STAU1: variants seen among roughly 807,000 people sequenced by gnomAD.
STAU1 encodes the protein staufen double-stranded RNA binding protein 1, also known as double-stranded RNA-binding protein Staufen homolog 1.
STAU1 carries 13 observed loss-of-function variants against 62.9 expected under a neutral mutation model. The ratio of observed to expected loss-of-function variants is 0.21; its 90% CI spans 0.13 to 0.33. The LOEUF (loss-of-function observed/expected upper bound fraction) is 0.33. Among genes scored for constraint, STAU1 ranks in the 10% least tolerant of loss-of-function variants. STAU1 has a pLI of 1.00. For missense variants in STAU1, 571 were observed against 712.1 expected, an observed-to-expected ratio of 0.80 and a Z score of 2.25; for synonymous variants, 269 against 265.1, an observed-to-expected ratio of 1.01 and a Z score of -0.14.
chr20:49,179,603 T>C (rs1300251684), intron 1 of STAU1, among the ~76,000 whole-genome samples: 1 of 152,246 alleles, frequency 6.6e-6, no homozygotes, highest in Non-Finnish European at 1.5e-5. Flanking sequence ...AGGAAAGGAC[T>C]GCCTAGCATT....
rs1048605172 is a variant in STAU1 at position 49,188,140 on chromosome 20, C to T, written c.-184G>A. On this transcript the variant is annotated 5_prime_UTR_variant, in exon 1 of 14. Coordinates refer to ENST00000371856, the MANE Select transcript of STAU1 (RefSeq NM_017453.4). ...CCTGGCTGCTGCTCCGAGCTCGTCCCCCGGCCGGCGGTCCTGGGCGGTGGC... is the reference window on the plus strand; with the variant it reads ...CCTGGCTGCTGCTCCGAGCTCGTCCTCCGGCCGGCGGTCCTGGGCGGTGGC... 2 of 151,556 alleles carry T rather than the reference C, an allele frequency of 1.3e-5. No individual in the cohort carries two copies. The highest frequency in any genetic ancestry group is 4.8e-5 in the African/African-American group (2 of 41,324). The allele number at this position is 151,556 out of a possible 1,614,324, so 9.4% of individuals were successfully genotyped here. A position where few individuals can be genotyped will look rare whatever the true frequency, so the allele number is the denominator to read the frequency against.
chr20:49,116,060 G>A (rs2092316193), intron 12 of STAU1, among the ~76,000 whole-genome samples, 193 bp from the exon 13 acceptor site: 1 of 152,144 alleles, frequency 6.6e-6, no homozygotes, highest in African/African-American at 2.4e-5. Flanking sequence ...TTACCTCACT[G>A]AATCATAACC....
chr20:49,216,736 G>A, the STAU1 span, among the ~76,000 whole-genome samples: 1 of 151,996 alleles, frequency 6.6e-6, no homozygotes, highest in Non-Finnish European at 1.5e-5. Flanking sequence ...GAATGACATG[G>A]GACGTGGCAG....
intron 2 of STAU1, 100 bp from the exon 3 acceptor site, chr20:49,166,385 A>T: frequency 1.7e-6 from 1 of 593,518 alleles, no homozygotes; most frequent in Non-Finnish European, 3.0e-6. Flanking sequence ...GACTTATGAA[A>T]ATAGCTCCAT....
chr20:49,201,250 A>T, the STAU1 span, among the ~76,000 whole-genome samples: 1 of 152,086 alleles, frequency 6.6e-6, no homozygotes, highest in Admixed American at 6.6e-5. Flanking sequence ...ACAAATATTT[A>T]AGAATAAACA....
chr20:49,124,533 C>G lies in STAU1; in HGVS notation c.664G>C (p.Val222Leu), dbSNP rs1294629337. 1 of 1,613,998 alleles carries G rather than the reference C, an allele frequency of 6.2e-7. No homozygotes were observed. The highest frequency in any genetic ancestry group is 8.5e-7 in the Non-Finnish European group (1 of 1,180,032). ...TCACCTTCCCCCACAAACTCCCCAA[C>G]CGAAACCTTGGTCACAAAGTTCTTC... ...HMKNFVTKVSVGEFVGEGEGK... is the reference protein window; with the variant it reads ...HMKNFVTKVSLGEFVGEGEGK... The change falls in exon 7 of 14, where the codon GTT (valine) becomes CTT (leucine). Residue 222 changes from valine (V) to leucine (L), a missense_variant. Physicochemically the swap from Val to Leu is conservative, Grantham distance 32 (BLOSUM62 1). Around this residue, in one of 3 missense-constraint regions of STAU1, gnomAD observed 414 missense variants for 499.6 expected, o/e 0.83. Coordinates refer to ENST00000371856, the MANE Select transcript of STAU1 (RefSeq NM_017453.4).
At chr20:49,135,734 T>C (rs2092866036) in intron 6 of STAU1, 99 bp downstream of exon 6, 4 of 861,484 alleles carry the variant, frequency 4.6e-6, no homozygotes, top group South Asian at 3.4e-5. Flanking sequence ...TCACATTATG[T>C]GAAGATTATT....
At chr20:49,146,313 C>G (rs1177186262) in intron 5 of STAU1, among the ~76,000 whole-genome samples, 2 of 151,968 alleles carry the variant, frequency 1.3e-5, no homozygotes, top group Non-Finnish European at 1.5e-5. Context: ...TAACTTTACT[C>G]CTAATTAAGT....
the STAU1 span, among the ~76,000 whole-genome samples, chr20:49,206,516 G>A: frequency 0.05 from 5,710 of 113,820 alleles, 439 homozygotes; most frequent in African/African-American, 0.18. Context: ...GCCATCTTCC[G>A]TTTTTTTTTT....
the STAU1 span, among the ~76,000 whole-genome samples, chr20:49,210,753 C>T: frequency 6.6e-6 from 1 of 152,152 alleles, no homozygotes; most frequent in Admixed American, 6.6e-5. Context: ...TATCATCCCC[C>T]ATACTGCAAC....
At chr20:49,115,654 C>G in intron 13 of STAU1, 128 bp downstream of exon 13, 1 of 824,942 alleles carries the variant, frequency 1.2e-6, no homozygotes, top group Non-Finnish European at 2.0e-6. Context: ...GGAAAACTTT[C>G]AGGCAAAAGG....
At chr20:49,140,453 T>C (rs948690293) in intron 5 of STAU1, among the ~76,000 whole-genome samples, 4 of 152,102 alleles carry the variant, frequency 2.6e-5, no homozygotes, top group Admixed American at 2.0e-4. Flanking sequence ...TTACTATTCA[T>C]ACCATAAAAC....
the STAU1 span, among the ~76,000 whole-genome samples, chr20:49,204,148 C>T: frequency 1.3e-5 from 2 of 150,756 alleles, no homozygotes; most frequent in African/African-American, 4.9e-5. Flanking sequence ...TAGAGTCTCA[C>T]TCTGTCACTC....
At chr20:49,177,400 C>T (rs889125087) in intron 1 of STAU1, among the ~76,000 whole-genome samples, 2 of 152,048 alleles carry the variant, frequency 1.3e-5, no homozygotes, top group African/African-American at 2.4e-5. Flanking sequence ...ATTTAAGGGC[C>T]GGGCATGTGG....
chr20:49,169,978 A>G (rs1335097265), intron 2 of STAU1, among the ~76,000 whole-genome samples: 1 of 152,228 alleles, frequency 6.6e-6, no homozygotes, highest in African/African-American at 2.4e-5. Flanking sequence ...TTCTCATAAA[A>G]ACAGAATCTT....
chr20:49,123,642 C>A (rs146263953), intron 7 of STAU1, among the ~76,000 whole-genome samples: 3 of 152,270 alleles, frequency 2.0e-5, no homozygotes, highest in Non-Finnish European at 4.4e-5. Flanking sequence ...TAAAAAAGCT[C>A]AAGCTGATGC....
At chr20:49,136,386 C>A (rs996600735) in intron 5 of STAU1, among the ~76,000 whole-genome samples, 13 of 152,206 alleles carry the variant, frequency 8.5e-5, no homozygotes, top group Admixed American at 8.5e-4. Flanking sequence ...TTTAACCACA[C>A]ACATACCAAG....
At chr20:49,177,267 G>A (rs2093671621) in intron 1 of STAU1, among the ~76,000 whole-genome samples, 2 of 151,770 alleles carry the variant, frequency 1.3e-5, no homozygotes, top group South Asian at 4.2e-4. Context: ...CAGGTGTGAT[G>A]GCTCATGCTT....
Position 49,184,544 on chromosome 20 carries a change from T to C in STAU1, c.-160+3572A>G, listed in dbSNP as rs572487321. On this transcript the variant is annotated intron_variant, in intron 1 of 13. Coordinates refer to ENST00000371856, the MANE Select transcript of STAU1 (RefSeq NM_017453.4). ...TGTAAACTCCACAGACAGTTTTTTTTCTCAACATTATCTTGAAACAACATT... is the reference window on the plus strand; with the variant it reads ...TGTAAACTCCACAGACAGTTTTTTTCCTCAACATTATCTTGAAACAACATT... 2.9e-4 allele frequency among the ~76,000 whole-genome samples: 44 copies of C among 152,302 alleles called. 1 individual carries two copies. In the South Asian group the frequency reaches 7.9e-3, roughly 27 times the overall value.
Sources: allele counts gnomAD v4.1 joint callset (sites outside exome capture counted in the v4.1 genomes callset), GRCh38; gene constraint gnomAD v4.1.1; regional missense constraint gnomAD v4.1.1; transcripts MANE v1.5; gene names NCBI Gene and HGNC (gene_info 2026-07-23, HGNC 2026-07-21).